The following HERC3 variants were observed in gnomAD, a reference collection of about 807,000 sequenced individuals.
HERC3 encodes probable E3 ubiquitin-protein ligase HERC3.
Under a neutral mutation model 129.9 loss-of-function variants are expected in HERC3, and 58 were observed. That is an observed-to-expected ratio of 0.45 (90% CI 0.36 to 0.56). HERC3 has a LOEUF of 0.56. Among genes scored for constraint, HERC3 ranks in the 20% least tolerant of loss-of-function variants. HERC3 has a pLI of 0.00. For synonymous variants in HERC3, 430 were observed against 451.0 expected (o/e 0.95, Z 0.59); for missense variants, 835 against 1,244.2 (o/e 0.67, Z 4.95).
rs112616892 is a variant in HERC3, at chr4:88,662,563, G to A, written c.1271+8G>A. The A allele has an allele frequency of 1.2e-3, 1,891 of 1,591,934 alleles. 16 individuals carry two copies. In the African/African-American group the frequency reaches 0.023, roughly 19 times the overall value. On this transcript the variant is annotated splice_region_variant and intron_variant, in intron 11 of 25. Transcript: ENST00000402738. ...CAATGCAAATACAATCAAGTATGTG[G>A]CTGCTTGTCTTCATTTTTTTTTCCA...
At chr4:88,620,360 T>G (rs542892186) in intron 3 of HERC3, among the ~76,000 whole-genome samples, 1 of 152,350 alleles carries the variant, frequency 6.6e-6, no homozygotes, top group South Asian at 2.1e-4. Context: ...ACACTGTTTT[T>G]TCTCCCTTAA....
chr4:88,676,485 T>A (rs767070392), intron 18 of HERC3, 62 bp downstream of exon 18: 88 of 1,169,270 alleles, frequency 7.5e-5, no homozygotes, highest in Non-Finnish European at 7.9e-5. Context: ...AGACATTCAG[T>A]TGTAATTTTT....
intron 23 of HERC3, among the ~76,000 whole-genome samples, chr4:88,701,791 A>T (rs1205203094): frequency 2.0e-5 from 3 of 149,282 alleles, no homozygotes; most frequent in Admixed American, 6.6e-5. Flanking sequence ...ATAAACATGT[A>T]TGTTAAAACA....
At chr4:88,637,130 AAAAC>A (rs914371812) in intron 3 of HERC3, among the ~76,000 whole-genome samples, 50 of 151,922 alleles carry the variant, frequency 3.3e-4, no homozygotes, top group East Asian at 1.4e-3. Flanking sequence ...TGCCATCTCA[AAAAC>A]AAACAAACAG....
At chr4:88,631,219 C>G (rs1726711852) in intron 3 of HERC3, among the ~76,000 whole-genome samples, 2 of 152,164 alleles carry the variant, frequency 1.3e-5, no homozygotes, top group Admixed American at 1.3e-4. Context: ...CTTTGGGAGG[C>G]TGAGGCAGGC....
chr4:88,584,589 G>C, the HERC3 span, among the ~76,000 whole-genome samples: 1 of 152,164 alleles, frequency 6.6e-6, no homozygotes, highest in African/African-American at 2.4e-5. Flanking sequence ...TTGTCACAGC[G>C]GGGGATTAAG....
intron 3 of HERC3, among the ~76,000 whole-genome samples, chr4:88,634,417 C>T (rs1727122079): frequency 6.6e-6 from 1 of 152,206 alleles, no homozygotes. Context: ...TGGCAGCCAA[C>T]ACTGCAGCTT....
At chr4:88,538,322 G>A in the HERC3 span, among the ~76,000 whole-genome samples, 230 of 152,230 alleles carry the variant, frequency 1.5e-3, 1 homozygote, top group Admixed American at 2.5e-3. Flanking sequence ...ATGGAGTATC[G>A]TGGCAATAGC....
the HERC3 span, among the ~76,000 whole-genome samples, chr4:88,561,532 T>C: frequency 1.3e-5 from 2 of 152,168 alleles, no homozygotes; most frequent in African/African-American, 4.8e-5. Flanking sequence ...TATATTCTTT[T>C]GGTTATTTTA....
chr4:88,683,003 A>G (rs1008093254), intron 21 of HERC3, among the ~76,000 whole-genome samples: 6 of 152,130 alleles, frequency 3.9e-5, no homozygotes, highest in Non-Finnish European at 7.4e-5. Context: ...TGACTTTTTA[A>G]TGATCGCCAT....
chr4:88,536,031 G>A, the HERC3 span, among the ~76,000 whole-genome samples: 1 of 152,158 alleles, frequency 6.6e-6, no homozygotes, highest in Admixed American at 6.5e-5. Flanking sequence ...TGCTTTGCAT[G>A]TAATAGTTTA....
intron 3 of HERC3, among the ~76,000 whole-genome samples, chr4:88,638,194 C>G (rs944877853): frequency 6.6e-6 from 1 of 152,178 alleles, no homozygotes; most frequent in Non-Finnish European, 1.5e-5. Flanking sequence ...CCTTCAGAAA[C>G]TATTCTAAAC....
Position 88,680,647 on chromosome 4 carries a change from T to A in HERC3, c.2340+411T>A, listed in dbSNP as rs534372643. The stretch of plus-strand genomic sequence containing the variant: ...TAGGAGAGCTAAGTTTTTAAAGGCG[T>A]TCTAATTTCAATCAGACTGTCATTT... On this transcript the variant is annotated intron_variant, in intron 20 of 25. Coordinates refer to ENST00000402738, the MANE Select transcript of HERC3 (RefSeq NM_014606.3). Among the ~76,000 whole-genome samples the A allele has an allele frequency of 3.9e-5, 6 of 152,364 alleles. No homozygotes were observed. The South Asian group carries it at 1.2e-3, about 32-fold the overall frequency.
the HERC3 span, among the ~76,000 whole-genome samples, chr4:88,562,850 A>G: frequency 1.3e-5 from 2 of 151,962 alleles, no homozygotes; most frequent in Non-Finnish European, 2.9e-5. Flanking sequence ...ATTCTGTTCT[A>G]TTGGTTTATG....
chr4:88,697,789 C>T, intron 23 of HERC3: 1 of 1,548,420 alleles, frequency 6.5e-7, no homozygotes, highest in South Asian at 1.2e-5. Context: ...TAGGAGGGCT[C>T]CCGCAGAGGC....
At chr4:88,607,172 G>GGTGT (rs3036481) in intron 3 of HERC3, among the ~76,000 whole-genome samples, 20 of 149,836 alleles carry the variant, frequency 1.3e-4, no homozygotes, top group Non-Finnish European at 2.1e-4. Context: ...GTAGCACTTT[G>GGTGT]GTGTGTGTGT....
intron 10 of HERC3, among the ~76,000 whole-genome samples, chr4:88,661,373 T>C (rs752997668): frequency 2.6e-5 from 4 of 152,254 alleles, no homozygotes; most frequent in Admixed American, 6.5e-5. Context: ...TTTTATTACA[T>C]GCTCTACTCC....
At chr4:88,559,396 C>T in the HERC3 span, among the ~76,000 whole-genome samples, 2 of 152,144 alleles carry the variant, frequency 1.3e-5, no homozygotes, top group African/African-American at 2.4e-5. Context: ...TGATACAAAG[C>T]AGATATATGT....
At chr4:88,629,118 G>A (rs1289333590) in intron 3 of HERC3, among the ~76,000 whole-genome samples, 2 of 152,078 alleles carry the variant, frequency 1.3e-5, no homozygotes, top group South Asian at 2.1e-4. Context: ...AGATTGTGCC[G>A]CTGTACTCCA....
Sources: allele counts gnomAD v4.1 joint callset (sites outside exome capture counted in the v4.1 genomes callset), GRCh38; gene constraint gnomAD v4.1.1; transcripts MANE v1.5; gene names NCBI Gene and HGNC (gene_info 2026-07-23, HGNC 2026-07-21).